DNAJC10: variants seen among roughly 807,000 people sequenced by gnomAD.
DNAJC10 encodes DnaJ heat shock protein family (Hsp40) member C10, also known as endoplasmic reticulum disulfide reductase DNAJC10.
In DNAJC10, 101 loss-of-function variants were observed where a neutral mutation model predicts 115.0. The observed-to-expected ratio is 0.88, with a 90% CI of 0.75 to 1.04. The LOEUF is 1.04. Among genes scored for constraint, DNAJC10 ranks in the 50% least tolerant of loss-of-function variants. The pLI is 0.00. For missense variants in DNAJC10, 981 were observed against 928.8 expected, an observed-to-expected ratio of 1.06 and a Z score of -0.73; for synonymous variants, 307 against 301.5, an observed-to-expected ratio of 1.02 and a Z score of -0.19.
At position 182,790,508 on chromosome 2, in the gene DNAJC10, A is replaced by G. The variant is rs28510622; in HGVS notation, c.*13376A>G. On this transcript the variant is annotated 3_prime_UTR_variant, in exon 24 of 24. Transcript: ENST00000264065. ...TTTCTAAAATTCAATAGTAAGGGCC[A>G]GGCACAGTGGCTCACACCTGAAATC... 0.19 allele frequency: 28,960 copies of G among 151,998 alleles called. 6,698 individuals are homozygous for G. The highest frequency in any genetic ancestry group is 0.56 in the African/African-American group (23,030 of 41,354). 9.4% of individuals were successfully genotyped at this position (151,998 alleles called of 1,614,324 possible).
rs1195605825 is a variant in DNAJC10 at position 182,789,352 on chromosome 2, G to C, written c.*12220G>C. 1 of 153,564 alleles carries C rather than the reference G, an allele frequency of 6.5e-6. No individual in the cohort carries two copies. Among genetic ancestry groups the C allele is most frequent in the Non-Finnish European group, 1.4e-5 (1 of 69,164 alleles). The allele number at this position is 153,564 out of a possible 1,614,324, so 9.5% of individuals were successfully genotyped here. A position where few individuals can be genotyped will look rare whatever the true frequency, so the allele number is the denominator to read the frequency against. On this transcript the variant is annotated 3_prime_UTR_variant, in exon 24 of 24. Transcript: ENST00000264065. ...TTCTCCTGCCTCACCCTCCCAAGTAGCTGGGACTGCAGGCATGTGCCACCA... is the reference window on the plus strand; with the variant it reads ...TTCTCCTGCCTCACCCTCCCAAGTACCTGGGACTGCAGGCATGTGCCACCA...
chr2:182,771,759 C>T (rs1198956725), intron 22 of DNAJC10, among the ~76,000 whole-genome samples: 4 of 152,036 alleles, frequency 2.6e-5, no homozygotes, highest in Non-Finnish European at 1.5e-5. Context: ...TTTTGTTGAT[C>T]TTTTCAAAAA....
chr2:182,733,874 C>T (rs146049998), intron 10 of DNAJC10, among the ~76,000 whole-genome samples: 4 of 151,182 alleles, frequency 2.6e-5, no homozygotes, highest in South Asian at 2.1e-4. Context: ...TCTAAGACTT[C>T]GTTCTTTGAA....
intron 10 of DNAJC10, among the ~76,000 whole-genome samples, chr2:182,733,688 A>T (rs1463650413): frequency 5.2e-5 from 7 of 133,998 alleles, no homozygotes; most frequent in South Asian, 2.3e-4. Flanking sequence ...TTCTTTCTCA[A>T]TTTTTTTTTT....
chr2:182,735,184 C>T (rs1482086367), intron 10 of DNAJC10, among the ~76,000 whole-genome samples: 1 of 151,118 alleles, frequency 6.6e-6, no homozygotes, highest in Admixed American at 6.6e-5. Context: ...CTTTGGTTAC[C>T]TGTCCTTTTA....
At chr2:182,739,149 C>A (rs1409493988) in intron 11 of DNAJC10, among the ~76,000 whole-genome samples, 1 of 142,974 alleles carries the variant, frequency 7.0e-6, no homozygotes, top group Admixed American at 7.3e-5. Context: ...ATATAGACCT[C>A]TAAGAATGTT....
chr2:182,757,713 G>A lies in DNAJC10; in HGVS notation c.1831G>A (p.Val611Met), dbSNP rs1484232438. 3.2e-6 allele frequency: 5 copies of A among 1,580,796 alleles called. No individual in the cohort carries two copies. The highest frequency in any genetic ancestry group is 2.3e-5 in the East Asian group (1 of 43,942). ...MARTLTGLIN[V>M]GSIDCQQYHS... is the part of the protein sequence containing the mutation. Reference sequence around the variant, plus strand: ...ACAGACATTAACTGGACTGATCAACGTGGGCAGTATAGATTGCCAACAGTA... The same window carrying A: ...ACAGACATTAACTGGACTGATCAACATGGGCAGTATAGATTGCCAACAGTA... The change falls in exon 19 of 24, where the codon GTG becomes ATG. Residue 611 changes from valine to methionine, a missense_variant. Val to Met is a conservative substitution (Grantham distance 21). Coordinates refer to ENST00000264065, the MANE Select transcript of DNAJC10 (RefSeq NM_018981.4).
At position 182,743,648 on chromosome 2, in the gene DNAJC10, T is replaced by G; in HGVS notation, c.1242T>G (p.Tyr414Ter). The G allele has an allele frequency of 6.2e-7, 1 of 1,613,870 alleles. No individual in the cohort carries two copies. Among genetic ancestry groups the G allele is most frequent in the Non-Finnish European group, 8.5e-7 (1 of 1,179,866 alleles). ...SSAPDICSNLYVFQPSLAVFK... is the reference protein window; with the variant it reads ...SSAPDICSNL ...CACCAGACATCTGTAGTAATCTGTA[T>G]GTTTTTCAGCCGTCTCTAGCAGTAT... Residue 414 changes from tyrosine to a stop codon, truncating the protein, a stop_gained, in exon 14 of 24, where the codon TAT (tyrosine) becomes TAG (stop). Transcript: ENST00000264065. LOFTEE classifies it high-confidence loss of function.
intron 4 of DNAJC10, 109 bp from the exon 5 acceptor site, chr2:182,721,911 GATATA>G (rs1430025990): frequency 1.4e-5 from 8 of 564,534 alleles, no homozygotes; most frequent in African/African-American, 2.0e-5. Context: ...CTAAGTTTGA[GATATA>G]ATATAGTAGT....
chr2:182,758,779 C>A, intron 19 of DNAJC10, 58 bp from the exon 20 acceptor site: 1 of 1,192,630 alleles, frequency 8.4e-7, no homozygotes, highest in Non-Finnish European at 1.2e-6. Context: ...AGATTGTTTT[C>A]TGAATACATC....
chr2:182,761,681 G>A (rs1050006202), intron 21 of DNAJC10, among the ~76,000 whole-genome samples: 2 of 152,090 alleles, frequency 1.3e-5, no homozygotes, highest in African/African-American at 4.8e-5. Context: ...AGGAAAAGTG[G>A]GTTCAGGGGA....
At chr2:182,748,635 G>A (rs1020094518) in intron 14 of DNAJC10, among the ~76,000 whole-genome samples, 1 of 151,614 alleles carries the variant, frequency 6.6e-6, no homozygotes, top group African/African-American at 2.4e-5. Context: ...TTCCTTATTA[G>A]TCTTGCTAGC....
intron 21 of DNAJC10, among the ~76,000 whole-genome samples, chr2:182,761,961 T>TA (rs1052877776): frequency 1.3e-5 from 2 of 151,626 alleles, no homozygotes; most frequent in Non-Finnish European, 2.9e-5. Flanking sequence ...TGATAAATGC[T>TA]AAAAAAGAAA....
rs1694919463 is a variant in DNAJC10 at position 182,784,931 on chromosome 2, G to A, written c.*7799G>A. 6.6e-6 allele frequency: 1 copy of A among 152,162 alleles called. No homozygotes were observed. Among genetic ancestry groups the A allele is most frequent in the African/African-American group, 2.4e-5 (1 of 41,454 alleles). 9.4% of individuals were successfully genotyped at this position (152,162 alleles called of 1,614,324 possible). ...AGCAGACACATTTTTCTGATAAAAT[G>A]CCATTTCTACCTCAGTACTTGATAA... On this transcript the variant is annotated 3_prime_UTR_variant, in exon 24 of 24. Transcript: ENST00000264065.
At chr2:182,748,492 T>A (rs556824239) in intron 14 of DNAJC10, among the ~76,000 whole-genome samples, 1 of 152,240 alleles carries the variant, frequency 6.6e-6, no homozygotes, top group Non-Finnish European at 1.5e-5. Flanking sequence ...TATCCATTTC[T>A]TCTAGATTTT....
intron 10 of DNAJC10, 146 bp from the exon 11 acceptor site, chr2:182,736,103 C>T (rs947267577): frequency 7.2e-5 from 37 of 514,018 alleles, no homozygotes; most frequent in Non-Finnish European, 1.1e-4. Context: ...TATTAGAAAT[C>T]TACTTTTTAA....
chr2:182,761,703 T>C (rs1234226727), intron 21 of DNAJC10, among the ~76,000 whole-genome samples: 1 of 152,132 alleles, frequency 6.6e-6, no homozygotes, highest in East Asian at 1.9e-4. Flanking sequence ...ATGCTGTGTT[T>C]GGATGCTTAT....
chr2:182,740,106 T>G, intron 11 of DNAJC10, 193 bp from the exon 12 acceptor site: 1 of 997,900 alleles, frequency 1.0e-6, no homozygotes, highest in Non-Finnish European at 1.2e-6. Context: ...AGAAACAGCT[T>G]AGTTATATAA....
At chr2:182,730,234 T>C (rs1057163089) in intron 8 of DNAJC10, among the ~76,000 whole-genome samples, 1 of 152,216 alleles carries the variant, frequency 6.6e-6, no homozygotes, top group Non-Finnish European at 1.5e-5. Context: ...AAGTGTTTTA[T>C]TGCTTTTTTA....
Sources: allele counts gnomAD v4.1 joint callset (sites outside exome capture counted in the v4.1 genomes callset), GRCh38; gene constraint gnomAD v4.1.1; transcripts MANE v1.5; gene names NCBI Gene and HGNC (gene_info 2026-07-23, HGNC 2026-07-21).